MSH3: variants seen among roughly 807,000 people sequenced by gnomAD.
The protein encoded by MSH3 is mutS homolog 3.
In MSH3, 106 loss-of-function variants were observed where a neutral mutation model predicts 123.3. The ratio of observed to expected loss-of-function variants is 0.86; its 90% CI spans 0.73 to 1.01. The LOEUF is 1.01. Ranked by LOEUF, MSH3 falls within the 50% of genes least tolerant of loss-of-function variation. The probability of loss-of-function intolerance (pLI) is 0.00; values close to 1 mark genes in which losing one functional copy is unlikely to be tolerated. For missense variants in MSH3, 1,459 were observed against 1,347.6 expected (o/e 1.08, Z -1.29); for synonymous variants, 515 against 481.4 (o/e 1.07, Z -0.91).
chr5:80,855,678 A>T (rs913487736), intron 21 of MSH3: 1 of 152,104 alleles, frequency 6.6e-6, no homozygotes, highest in African/African-American at 2.4e-5. Flanking sequence ...CATCAACGAC[A>T]CTCAATTTGG....
intron 2 of MSH3, among the ~76,000 whole-genome samples, chr5:80,657,417 G>A (rs1183610765): frequency 1.3e-5 from 2 of 152,028 alleles, no homozygotes; most frequent in Non-Finnish European, 2.9e-5. Flanking sequence ...CTCCACCCTG[G>A]GCAACAAAGC....
intron 19 of MSH3, 121 bp downstream of exon 19, chr5:80,792,965 C>G: frequency 4.4e-6 from 3 of 679,770 alleles, no homozygotes; most frequent in Non-Finnish European, 7.9e-6. Context: ...TGGGCTAAGC[C>G]TGGACATAGT....
Position 80,876,628 on chromosome 5 carries a change from C to CA in MSH3, c.*779dup, listed in dbSNP as rs71879707. 4.6e-3 allele frequency among the ~76,000 whole-genome samples: 587 copies of CA among 126,244 alleles called. 6 individuals carry two copies. The highest frequency in any genetic ancestry group is 0.013 in the Middle Eastern group (3 of 228). 82.8% of individuals were successfully genotyped at this position (126,244 alleles called of 152,430 possible). A position where few individuals can be genotyped will look rare whatever the true frequency, so the allele number is the denominator to read the frequency against. ...TGGGCAACAGAGCAAGACTCCATCT[C>CA]AAAAAAAAAAAAAGAAAAAAGAAAA... On this transcript the variant is annotated 3_prime_UTR_variant, in exon 24 of 24. Coordinates refer to ENST00000265081, the MANE Select transcript of MSH3 (RefSeq NM_002439.5).
At chr5:80,735,558 G>A (rs908246562) in intron 10 of MSH3, among the ~76,000 whole-genome samples, 2 of 151,940 alleles carry the variant, frequency 1.3e-5, no homozygotes, top group South Asian at 2.1e-4. Context: ...CTGGTGGCGG[G>A]CACCTGTAGT....
chr5:80,808,873 A>ATATATATATATG lies in MSH3; in HGVS notation c.2656-4701_2656-4700insTGTATATATATA, dbSNP rs754318556. 2.0e-3 allele frequency among the ~76,000 whole-genome samples: 274 copies of ATATATATATATG among 137,028 alleles called. 7 individuals are homozygous for ATATATATATATG. The highest frequency in any genetic ancestry group is 4.4e-3 in the East Asian group (20 of 4,566). 89.9% of individuals were successfully genotyped at this position (137,028 alleles called of 152,430 possible). A position where few individuals can be genotyped will look rare whatever the true frequency, so the allele number is the denominator to read the frequency against. On this transcript the variant is annotated intron_variant, in intron 19 of 23. Transcript: ENST00000265081. ...ATATCTTCTTCATATATATATATAT[A>ATATATATATATG]TATATATATACACAATCTAAATTCG...
intron 20 of MSH3, among the ~76,000 whole-genome samples, chr5:80,836,502 G>C (rs1435296238): frequency 7.4e-6 from 1 of 134,526 alleles, no homozygotes; most frequent in Non-Finnish European, 1.5e-5. Flanking sequence ...AGAACACACA[G>C]AGGAATAAAG....
chr5:80,690,088 A>T (rs836798), intron 8 of MSH3, among the ~76,000 whole-genome samples: 38,138 of 151,638 alleles, frequency 0.25, 4,897 homozygotes, highest in Middle Eastern at 0.32. Flanking sequence ...CTAATTTTTT[A>T]AAAAAAATTT....
Position 80,748,071 on chromosome 5 carries a change from G to A in MSH3, c.1763+3456G>A, listed in dbSNP as rs145282153. Reference sequence around the variant, plus strand: ...ACTGCCAAAGGTTAGTTTAGGGTCTGGTTTTCTTCTACAGTGAGATCGTAG... The same window carrying A: ...ACTGCCAAAGGTTAGTTTAGGGTCTAGTTTTCTTCTACAGTGAGATCGTAG... On this transcript the variant is annotated intron_variant, in intron 12 of 23. Transcript: ENST00000265081. Among the ~76,000 whole-genome samples the A allele has an allele frequency of 2.1e-3, 326 of 152,254 alleles. 6 individuals are homozygous for A. The South Asian group carries it at 0.037, about 17-fold the overall frequency.
At chr5:80,690,793 T>A (rs1750222011) in intron 8 of MSH3, among the ~76,000 whole-genome samples, 1 of 152,190 alleles carries the variant, frequency 6.6e-6, no homozygotes, top group East Asian at 1.9e-4. Flanking sequence ...CCTAAGATCA[T>A]GAAATCAGTT....
chr5:80,655,887 T>G (rs1749271913), intron 1 of MSH3, among the ~76,000 whole-genome samples: 1 of 152,220 alleles, frequency 6.6e-6, no homozygotes, highest in Non-Finnish European at 1.5e-5. Context: ...GTGAAGGACT[T>G]ATGTATGCTT....
chr5:80,813,450 G>A (rs1745043696), intron 19 of MSH3, 134 bp from the exon 20 acceptor site: 1 of 872,294 alleles, frequency 1.1e-6, no homozygotes, highest in Non-Finnish European at 1.8e-6. Flanking sequence ...TGAAGACAGA[G>A]GACCGCTTTC....
intron 11 of MSH3, among the ~76,000 whole-genome samples, chr5:80,743,843 CAAAA>C (rs770547257): frequency 2.8e-4 from 1 of 3,538 alleles, no homozygotes; most frequent in Non-Finnish European, 5.5e-4. Context: ...GACTCCGTCT[CAAAA>C]AAAAAAAAAA....
Position 80,871,315 on chromosome 5 carries a change from AC to A in MSH3, c.3131-1795del, listed in dbSNP as rs937914112. ...ATTTGCAAACAGTGTGCAACAGATT[AC>A]CCCCCAAAACATAGCGGCTTAGAAC... is the stretch of plus-strand genomic sequence containing the variant. On this transcript the variant is annotated intron_variant, in intron 22 of 23. Transcript: ENST00000265081. 2.0e-5 allele frequency among the ~76,000 whole-genome samples: 3 copies of A among 152,140 alleles called. No homozygotes were observed. The South Asian group carries it at 6.2e-4, about 32-fold the overall frequency.
At chr5:80,692,572 T>TTATATAGATGAATA (rs1750317369) in intron 8 of MSH3, among the ~76,000 whole-genome samples, 1 of 126,350 alleles carries the variant, frequency 7.9e-6, no homozygotes, top group Admixed American at 7.8e-5. Flanking sequence ...ATGTATATGT[T>TTATATAGATGAATA]TATATAGAGA....
intron 19 of MSH3, among the ~76,000 whole-genome samples, chr5:80,806,740 C>G (rs1419223885): frequency 6.6e-6 from 1 of 152,126 alleles, no homozygotes; most frequent in Non-Finnish European, 1.5e-5. Flanking sequence ...TCAACTTACT[C>G]AGTTAATTGG....
intron 20 of MSH3, among the ~76,000 whole-genome samples, chr5:80,845,222 A>C (rs1171234246): frequency 6.6e-6 from 1 of 152,164 alleles, no homozygotes; most frequent in Non-Finnish European, 1.5e-5. Flanking sequence ...AGTGTTGAAT[A>C]TTGGCCCCCA....
intron 3 of MSH3, among the ~76,000 whole-genome samples, chr5:80,669,539 T>C (rs1232708017): frequency 6.6e-6 from 1 of 152,234 alleles, no homozygotes; most frequent in Non-Finnish European, 1.5e-5. Context: ...CCTTGTGCTG[T>C]AAATTTTTTA....
At chr5:80,672,132 A>G (rs1273255071) in intron 4 of MSH3, 112 bp from the exon 5 acceptor site, 3 of 784,482 alleles carry the variant, frequency 3.8e-6, no homozygotes, top group African/African-American at 3.5e-5. Context: ...ATTTAGATTA[A>G]GTGTACAAAT....
intron 8 of MSH3, among the ~76,000 whole-genome samples, chr5:80,698,162 CA>C (rs1750526741): frequency 6.6e-6 from 1 of 152,130 alleles, no homozygotes; most frequent in Non-Finnish European, 1.5e-5. Context: ...TTGGCCTCCC[CA>C]AAATGTTGGA....
Sources: gnomAD v4.1 joint callset for allele counts (sites outside exome capture counted in the v4.1 genomes callset) on GRCh38, gnomAD v4.1.1 for gene constraint, MANE v1.5 for transcripts, NCBI Gene and HGNC (gene_info 2026-07-23, HGNC 2026-07-21) for gene names.